ACER3: variants seen among roughly 807,000 people sequenced by gnomAD.
The protein encoded by ACER3 is alkaline ceramidase 3.
A neutral mutation model predicts 48.9 loss-of-function variants in ACER3; 16 were observed. The observed-to-expected ratio is 0.33, with a 90% CI of 0.22 to 0.50. The LOEUF (loss-of-function observed/expected upper bound fraction) is 0.50, where lower values mean the gene tolerates loss of function less well. Ranked by LOEUF, ACER3 falls within the 20% of genes least tolerant of loss-of-function variation. ACER3 has a pLI of 0.98. For missense variants in ACER3, 227 were observed against 326.0 expected (o/e 0.70, Z 2.34); for synonymous variants, 109 against 107.8 (o/e 1.01, Z -0.07).
intron 2 of ACER3, among the ~76,000 whole-genome samples, chr11:76,933,891 T>C (rs10899324): frequency 0.58 from 84,204 of 144,004 alleles, 26,601 homozygotes; most frequent in Non-Finnish European, 0.73. Context: ...ACTTCTCAGA[T>C]GGGGCGGCTG....
At chr11:77,002,496 G>A (rs570541247) in intron 7 of ACER3, among the ~76,000 whole-genome samples, 1 of 152,100 alleles carries the variant, frequency 6.6e-6, no homozygotes, top group Non-Finnish European at 1.5e-5. Flanking sequence ...TTCTTCACTT[G>A]TTAATATTTT....
At chr11:76,957,384 T>C (rs1947868285) in intron 2 of ACER3, 1 of 376,718 alleles carries the variant, frequency 2.7e-6, no homozygotes. Flanking sequence ...CTTTGATATA[T>C]TGAAGCACAG....
At chr11:76,980,794 TTAAG>T (rs1200287474) in intron 4 of ACER3, among the ~76,000 whole-genome samples, 3 of 152,240 alleles carry the variant, frequency 2.0e-5, no homozygotes, top group African/African-American at 7.2e-5. Flanking sequence ...CTGAATGAGC[TTAAG>T]TAAGTCAACC....
At chr11:76,965,673 AATTTTCAACACAGAATTTC>A (rs566333745) in intron 3 of ACER3, among the ~76,000 whole-genome samples, 2,298 of 151,336 alleles carry the variant, frequency 0.015, 68 homozygotes, top group East Asian at 0.12. Flanking sequence ...TAAAGGAAAG[AATTTTCAACACAGAATTTC>A]ATATCCAGCC....
intron 2 of ACER3, among the ~76,000 whole-genome samples, chr11:76,953,116 A>G (rs1247954488): frequency 6.6e-6 from 1 of 152,208 alleles, no homozygotes; most frequent in East Asian, 1.9e-4. Flanking sequence ...GTGTGAGATG[A>G]GAGACCAAAG....
intron 1 of ACER3, among the ~76,000 whole-genome samples, chr11:76,864,403 C>CA (rs1279362035): frequency 2.0e-5 from 3 of 152,038 alleles, no homozygotes; most frequent in African/African-American, 7.2e-5. Flanking sequence ...AACTTTTTGT[C>CA]AAACATTGTA....
chr11:76,994,250 C>T, intron 6 of ACER3: 1 of 449,900 alleles, frequency 2.2e-6, no homozygotes, highest in Non-Finnish European at 4.4e-6. Flanking sequence ...ATGCCTCAGC[C>T]ACCCAGGTAG....
intron 2 of ACER3, among the ~76,000 whole-genome samples, chr11:76,934,501 C>T (rs969822235): frequency 5.9e-5 from 9 of 152,256 alleles, no homozygotes; most frequent in Middle Eastern, 3.2e-3. Context: ...GCCCGGCCAA[C>T]GCAGCGAAAC....
intron 6 of ACER3, among the ~76,000 whole-genome samples, chr11:76,996,429 A>T (rs183706380): frequency 0.036 from 4,241 of 118,222 alleles, 104 homozygotes; most frequent in Middle Eastern, 0.06. Context: ...TATTATTATT[A>T]TTTTTTGAGA....
At chr11:76,981,833 C>A (rs1274155474) in intron 4 of ACER3, among the ~76,000 whole-genome samples, 1 of 152,096 alleles carries the variant, frequency 6.6e-6, no homozygotes, top group South Asian at 2.1e-4. Flanking sequence ...AATAAAGGGA[C>A]CATGGACATC....
At position 77,020,326 on chromosome 11, in the gene ACER3, G is replaced by A; in HGVS notation, c.803G>A (p.Ter268=). 1 of 1,613,444 alleles carries A rather than the reference G, an allele frequency of 6.2e-7. No homozygotes were observed. Among genetic ancestry groups the A allele is most frequent in the South Asian group, 1.1e-5 (1 of 91,056 alleles). The change falls in exon 11 of 11, where the codon TGA becomes TAA. Residue 268 remains the stop codon, a stop_retained_variant. Coordinates refer to ENST00000532485, the MANE Select transcript of ACER3 (RefSeq NM_018367.7). ...VILFEPLRKH[*] ...CTGTTTGAGCCTCTCAGGAAGCATT[G>A]ATGAATCATTCCACCAAGAAAACAA...
At chr11:76,872,358 G>A (rs911873439) in intron 1 of ACER3, among the ~76,000 whole-genome samples, 2 of 152,202 alleles carry the variant, frequency 1.3e-5, no homozygotes, top group Middle Eastern at 3.4e-3. Flanking sequence ...TTACAGGCGT[G>A]AGCCACCACA....
In ACER3 at chr11:76,901,610, C is replaced by T. The variant is rs1368042385; in HGVS notation, c.104-24947C>T. Among the ~76,000 whole-genome samples the T allele has an allele frequency of 9.2e-5, 14 of 152,288 alleles. No homozygotes were observed. The East Asian group carries it at 2.5e-3, about 27-fold the overall frequency. Reference sequence around the variant, plus strand: ...TCGGCAAGACTCCTGTCTCAAGAGCCGAGCTCCCCGAGTGAGCAATTCCTG... The same window carrying T: ...TCGGCAAGACTCCTGTCTCAAGAGCTGAGCTCCCCGAGTGAGCAATTCCTG... On this transcript the variant is annotated intron_variant, in intron 1 of 10. Coordinates refer to ENST00000532485, the MANE Select transcript of ACER3 (RefSeq NM_018367.7).
intron 1 of ACER3, among the ~76,000 whole-genome samples, chr11:76,870,154 A>G (rs1456961307): frequency 6.7e-6 from 1 of 149,830 alleles, no homozygotes; most frequent in Non-Finnish European, 1.5e-5. Context: ...GTGCCACCAC[A>G]CCTGACTAAT....
intron 2 of ACER3, among the ~76,000 whole-genome samples, chr11:76,927,384 A>G (rs10899316): frequency 0.57 from 86,830 of 151,916 alleles, 28,018 homozygotes; most frequent in Non-Finnish European, 0.74. Flanking sequence ...ATGTTCTTGC[A>G]TCATCATAAT....
intron 7 of ACER3, among the ~76,000 whole-genome samples, chr11:77,005,992 T>TATACATATATATATATATATATA (rs1491403985): frequency 1.4e-5 from 1 of 70,588 alleles, no homozygotes; most frequent in Non-Finnish European, 2.6e-5. Flanking sequence ...TATATATATA[T>TATACATATATATATATATATATA]TTTTTTTTTT....
intron 7 of ACER3, chr11:77,011,368 T>G: frequency 1.0e-6 from 1 of 985,482 alleles, no homozygotes; most frequent in Non-Finnish European, 1.2e-6. Flanking sequence ...AGCTGAAGAT[T>G]GGCCATGGTA....
chr11:76,872,639 A>G (rs1028330903), intron 1 of ACER3, among the ~76,000 whole-genome samples: 2 of 152,208 alleles, frequency 1.3e-5, no homozygotes, highest in Non-Finnish European at 2.9e-5. Flanking sequence ...GAGGAGGAGG[A>G]TGTCATTATT....
At chr11:76,941,926 C>T (rs1947351734) in intron 2 of ACER3, among the ~76,000 whole-genome samples, 1 of 151,814 alleles carries the variant, frequency 6.6e-6, no homozygotes, top group South Asian at 2.1e-4. Context: ...CATTATTTAA[C>T]TATTATAAAT....
Sources: gnomAD v4.1 joint callset for allele counts (sites outside exome capture counted in the v4.1 genomes callset) on GRCh38, gnomAD v4.1.1 for gene constraint, MANE v1.5 for transcripts, NCBI Gene and HGNC (gene_info 2026-07-23, HGNC 2026-07-21) for gene names.